The following KLF12 variants were observed in gnomAD, a reference collection of about 807,000 sequenced individuals.
KLF12 encodes the protein Krueppel-like factor 12.
In KLF12, 9 loss-of-function variants were observed where a neutral mutation model predicts 37.8. That is an observed-to-expected ratio of 0.24 (90% confidence interval 0.14 to 0.42). The LOEUF is 0.42. Ranked by LOEUF, KLF12 falls within the 10% of genes least tolerant of loss-of-function variation. KLF12 has a pLI of 1.00. For missense variants in KLF12, 411 were observed against 516.0 expected (o/e 0.80, Z 1.97); for synonymous variants, 208 against 202.1 (o/e 1.03, Z -0.25).
intron 3 of KLF12, among the ~76,000 whole-genome samples, chr13:73,866,330 A>T (rs1555317000): frequency 6.6e-6 from 1 of 152,212 alleles, no homozygotes; most frequent in Non-Finnish European, 1.5e-5. Flanking sequence ...GGAGGCCCAG[A>T]GGAGTGGAGA....
At chr13:74,059,163 A>G (rs1873430391) in intron 1 of KLF12, among the ~76,000 whole-genome samples, 3 of 152,254 alleles carry the variant, frequency 2.0e-5, no homozygotes, top group Admixed American at 6.5e-5. Context: ...TGTATACACC[A>G]CATTCTCTTT....
the KLF12 span, among the ~76,000 whole-genome samples, chr13:74,214,373 G>T: frequency 5.3e-5 from 8 of 151,978 alleles, no homozygotes; most frequent in Non-Finnish European, 4.4e-5. Flanking sequence ...CTCTGTTCTG[G>T]CTTCCTTATT....
intron 1 of KLF12, among the ~76,000 whole-genome samples, chr13:74,022,678 A>G (rs1236845067): frequency 6.6e-6 from 1 of 152,030 alleles, no homozygotes; most frequent in Non-Finnish European, 1.5e-5. Flanking sequence ...CAAAAAAAAA[A>G]AAAAAATTGA....
intron 1 of KLF12, among the ~76,000 whole-genome samples, chr13:74,127,791 T>C (rs954443168): frequency 6.6e-6 from 1 of 152,240 alleles, no homozygotes; most frequent in Non-Finnish European, 1.5e-5. Context: ...TAGTTAAGAA[T>C]AACATATAGC....
Position 73,695,584 on chromosome 13 carries a change from G to A in KLF12, c.1115C>T (p.Thr372Met). 1 of 1,614,120 alleles carries A rather than the reference G, an allele frequency of 6.2e-7. No individual in the cohort carries two copies. Among genetic ancestry groups the A allele is most frequent in the South Asian group, 1.1e-5 (1 of 91,086 alleles). The change falls in exon 8 of 8, where the codon ACG becomes ATG. Residue 372 changes from threonine to methionine, a missense_variant. Around this residue, in one of 2 missense-constraint regions of KLF12, gnomAD observed 60 missense variants for 118.2 expected, o/e 0.51. Coordinates refer to ENST00000377669, the MANE Select transcript of KLF12 (RefSeq NM_007249.5). ...CGCGCACTTGAATGGCTTCACTCCC[G>A]TATGTTTGCGGTAATGCCTCGTCAG...
Position 73,688,981 on chromosome 13 carries a change from T to A in KLF12, c.*6509A>T, listed in dbSNP as rs1873663095. ...ACACTTCCCATGTCTCCGTTTCCCA[T>A]CCATAAAGTGTAGAAATGTTGTACA... On this transcript the variant is annotated 3_prime_UTR_variant, in exon 8 of 8. Transcript: ENST00000377669. 6.6e-6 allele frequency: 1 copy of A among 152,134 alleles called. No individual in the cohort carries two copies. The highest frequency in any genetic ancestry group is 1.5e-5 in the Non-Finnish European group (1 of 68,024). The allele number at this position is 152,134 out of a possible 1,614,324, so 9.4% of individuals were successfully genotyped here.
At chr13:74,109,307 A>ATT (rs1164758907) in intron 1 of KLF12, among the ~76,000 whole-genome samples, 1 of 147,188 alleles carries the variant, frequency 6.8e-6, no homozygotes, top group African/African-American at 2.5e-5. Flanking sequence ...GTTAATGTCA[A>ATT]TTTTTTTTTT....
chr13:74,099,992 G>GCA (rs200976705), intron 1 of KLF12, among the ~76,000 whole-genome samples: 2 of 152,084 alleles, frequency 1.3e-5, no homozygotes, highest in African/African-American at 4.8e-5. Flanking sequence ...GGAAAGAAGG[G>GCA]CACACACACA....
chr13:73,789,203 G>T (rs1881520176), intron 5 of KLF12, among the ~76,000 whole-genome samples: 2 of 152,046 alleles, frequency 1.3e-5, no homozygotes, highest in Non-Finnish European at 2.9e-5. Context: ...CTGAAGTGAG[G>T]GTATGACTGC....
chr13:73,864,061 A>G (rs1279918818), intron 3 of KLF12, among the ~76,000 whole-genome samples: 1 of 152,202 alleles, frequency 6.6e-6, no homozygotes, highest in African/African-American at 2.4e-5. Context: ...TTTTCCATTA[A>G]TAATATACTA....
chr13:73,881,039 C>T (rs4883956), intron 3 of KLF12, among the ~76,000 whole-genome samples: 30,173 of 152,068 alleles, frequency 0.2, 3,922 homozygotes, highest in East Asian at 0.53. Flanking sequence ...ATCATTAATG[C>T]CCAAACATGC....
chr13:73,972,536 A>C (rs935749879), intron 2 of KLF12, among the ~76,000 whole-genome samples: 5 of 150,758 alleles, frequency 3.3e-5, no homozygotes, highest in African/African-American at 1.2e-4. Flanking sequence ...AAATGTCATA[A>C]GCTGGATGTG....
chr13:73,904,001 A>G (rs73523214), intron 3 of KLF12, among the ~76,000 whole-genome samples: 7,118 of 152,236 alleles, frequency 0.047, 384 homozygotes, highest in African/African-American at 0.13. Context: ...AAAAAAGGTG[A>G]TGACTGCTGC....
chr13:74,257,184 T>G, the KLF12 span: 1 of 152,314 alleles, frequency 6.6e-6, no homozygotes, highest in African/African-American at 2.4e-5. Flanking sequence ...ACTCTCTGCC[T>G]GTACTCCATG....
chr13:74,212,106 T>C, the KLF12 span, among the ~76,000 whole-genome samples: 1 of 152,232 alleles, frequency 6.6e-6, no homozygotes, highest in East Asian at 1.9e-4. Context: ...GTATTAGTTT[T>C]ATAAACTAGT....
chr13:74,085,167 A>G (rs1461571845), intron 1 of KLF12, among the ~76,000 whole-genome samples: 1 of 152,228 alleles, frequency 6.6e-6, no homozygotes, highest in Non-Finnish European at 1.5e-5. Context: ...CGTGACCAAA[A>G]AAAAGCATTC....
chr13:73,858,233 T>A (rs889742952), intron 3 of KLF12, among the ~76,000 whole-genome samples: 1 of 152,186 alleles, frequency 6.6e-6, no homozygotes, highest in African/African-American at 2.4e-5. Context: ...TATTTCTAGA[T>A]CCTAGTGAAC....
At chr13:74,163,850 T>TAC in the KLF12 span, among the ~76,000 whole-genome samples, 3 of 150,110 alleles carry the variant, frequency 2.0e-5, no homozygotes, top group Admixed American at 2.0e-4. Flanking sequence ...TATATATATA[T>TAC]ACACCTACTA....
At chr13:74,074,208 T>C (rs957695921) in intron 1 of KLF12, among the ~76,000 whole-genome samples, 2 of 152,170 alleles carry the variant, frequency 1.3e-5, no homozygotes, top group African/African-American at 4.8e-5. Flanking sequence ...ATTTTGCTAC[T>C]CTGAAGCACT....
Sources: gnomAD v4.1 joint callset for allele counts (sites outside exome capture counted in the v4.1 genomes callset) on GRCh38, gnomAD v4.1.1 for gene constraint, gnomAD v4.1.1 regional missense constraint, MANE v1.5 for transcripts, NCBI Gene and HGNC (gene_info 2026-07-23, HGNC 2026-07-21) for gene names.